Variants in RPGRIP1L observed in about 807,000 individuals in gnomAD.
RPGRIP1L encodes the protein protein fantom.
A neutral mutation model predicts 160.4 loss-of-function variants in RPGRIP1L; 131 were observed. The observed-to-expected ratio is 0.82, with a 90% CI of 0.71 to 0.94. RPGRIP1L has a LOEUF of 0.94. Ranked by LOEUF, RPGRIP1L falls within the 40% of genes least tolerant of loss-of-function variation. The probability of loss-of-function intolerance (pLI) is 0.00; values close to 1 mark genes in which losing one functional copy is unlikely to be tolerated. For synonymous variants in RPGRIP1L, 510 were observed against 515.8 expected (o/e 0.99, Z 0.15); for missense variants, 1,522 against 1,535.8 (o/e 0.99, Z 0.15).
At chr16:53,613,823 T>A (rs1598225476) in intron 24 of RPGRIP1L, among the ~76,000 whole-genome samples, 1 of 152,198 alleles carries the variant, frequency 6.6e-6, no homozygotes, top group Non-Finnish European at 1.5e-5. Flanking sequence ...TTTACTGTCA[T>A]CATGCAGGTT....
chr16:53,674,283 C>T (rs1367329497), intron 7 of RPGRIP1L, among the ~76,000 whole-genome samples: 3 of 152,076 alleles, frequency 2.0e-5, no homozygotes, highest in Non-Finnish European at 2.9e-5. Flanking sequence ...CTCCTTGTCT[C>T]GGGACTTCAA....
chr16:53,624,538 C>T (rs1180366173), intron 22 of RPGRIP1L, among the ~76,000 whole-genome samples: 3 of 150,316 alleles, frequency 2.0e-5, no homozygotes, highest in South Asian at 2.1e-4. Context: ...AGCGAGACTC[C>T]ACCTAAAAAA....
intron 24 of RPGRIP1L, among the ~76,000 whole-genome samples, chr16:53,616,963 T>C (rs1430387035): frequency 6.7e-6 from 1 of 149,520 alleles, no homozygotes; most frequent in Admixed American, 6.7e-5. Context: ...TCCCAGCTAC[T>C]TGGGGGGCTG....
At chr16:53,653,085 A>G in intron 14 of RPGRIP1L, 98 bp from the exon 15 acceptor site, 1 of 1,004,174 alleles carries the variant, frequency 1.0e-6, no homozygotes, top group Non-Finnish European at 1.5e-6. Flanking sequence ...TCTGGTGAAC[A>G]GTCTCTATTT....
chr16:53,641,949 CTG>C (rs1397879296), intron 17 of RPGRIP1L, among the ~76,000 whole-genome samples: 2 of 152,044 alleles, frequency 1.3e-5, no homozygotes, highest in Admixed American at 6.5e-5. Context: ...TTAAAGGAAA[CTG>C]TATGTTACCA....
In RPGRIP1L at chr16:53,652,873, T is replaced by G. The variant is rs1376182209; in HGVS notation, c.1814A>C (p.Asn605Thr). 6.2e-7 allele frequency: 1 copy of G among 1,612,740 alleles called. No individual in the cohort carries two copies. The highest frequency in any genetic ancestry group is 8.5e-7 in the Non-Finnish European group (1 of 1,179,506). The change falls in exon 15 of 27, where the codon AAT becomes ACT. Residue 605 changes from asparagine (N) to threonine (T), a missense_variant. Transcript: ENST00000647211. ...TTTGTTGATATGGATTTCAAATAGA[T>G]TTTCGCCTCGTTCTAAGTGGATGGT... ...DETIHLERGE[N>T]LFEIHINKVT... is the part of the protein sequence containing the mutation.
At chr16:53,612,428 A>C (rs1351890653) in intron 24 of RPGRIP1L, among the ~76,000 whole-genome samples, 2 of 151,824 alleles carry the variant, frequency 1.3e-5, no homozygotes, top group Non-Finnish European at 2.9e-5. Flanking sequence ...TGGAAGATAG[A>C]CTTCGTTTTT....
intron 24 of RPGRIP1L, among the ~76,000 whole-genome samples, chr16:53,617,770 C>A (rs1027895475): frequency 6.6e-6 from 1 of 151,932 alleles, no homozygotes; most frequent in African/African-American, 2.4e-5. Context: ...GAGGAATGAA[C>A]GTATTTCTAA....
chr16:53,669,092 T>A (rs780473544), intron 9 of RPGRIP1L, among the ~76,000 whole-genome samples: 1 of 152,060 alleles, frequency 6.6e-6, no homozygotes, highest in South Asian at 2.1e-4. Context: ...AAACAGGGAG[T>A]ATGTGCAGTT....
chr16:53,648,604 G>A (rs1289878427), intron 16 of RPGRIP1L, among the ~76,000 whole-genome samples: 9 of 132,364 alleles, frequency 6.8e-5, no homozygotes, highest in Non-Finnish European at 9.6e-5. Context: ...GCACATATAC[G>A]TACGCGCGTG....
At chr16:53,626,145 T>TAAAAAAAAAAAA (rs760491478) in intron 22 of RPGRIP1L, among the ~76,000 whole-genome samples, 21 of 60,474 alleles carry the variant, frequency 3.5e-4, no homozygotes, top group South Asian at 7.2e-4. Context: ...CAATAAATAC[T>TAAAAAAAAAAAA]AAAAAAAAAA....
At chr16:53,679,458 G>A (rs571239436) in intron 6 of RPGRIP1L, among the ~76,000 whole-genome samples, 10 of 151,922 alleles carry the variant, frequency 6.6e-5, no homozygotes, top group South Asian at 6.2e-4. Flanking sequence ...ATGGAGTGCA[G>A]TGTCGTGATC....
chr16:53,658,958 G>C, intron 10 of RPGRIP1L, 80 bp from the exon 11 acceptor site: 2 of 925,402 alleles, frequency 2.2e-6, no homozygotes, highest in Non-Finnish European at 3.4e-6. Context: ...TTTAATTCCT[G>C]TTCCACACCA....
chr16:53,608,175 C>G (rs1306791949), intron 25 of RPGRIP1L, among the ~76,000 whole-genome samples: 3 of 152,208 alleles, frequency 2.0e-5, no homozygotes, highest in Non-Finnish European at 4.4e-5. Flanking sequence ...TATACTCCTT[C>G]ATGCCTGGAG....
In RPGRIP1L at chr16:53,687,913, T is replaced by C. The variant is rs924608253; in HGVS notation, c.582A>G (p.Thr194=). The C allele has an allele frequency of 1.2e-6, 2 of 1,611,958 alleles. No homozygotes were observed. Among genetic ancestry groups the C allele is most frequent in the Admixed American group, 3.3e-5 (2 of 59,976 alleles). Residue 194 remains threonine (T), a synonymous_variant, in exon 5 of 27, where the codon ACA becomes ACG. Transcript: ENST00000647211. ...DVAETPHPMF[T]KYGNSLLEEA... The stretch of plus-strand genomic sequence containing the variant: ...CTTCAAGTAAACTGTTGCCATATTT[T>C]GTAAACATGGGATGTGGAGTTTCTG...
intron 24 of RPGRIP1L, among the ~76,000 whole-genome samples, chr16:53,614,577 G>A (rs1964241949): frequency 6.6e-6 from 1 of 152,120 alleles, no homozygotes. Context: ...GTTGAATACC[G>A]TGGGAAACAG....
intron 25 of RPGRIP1L, among the ~76,000 whole-genome samples, chr16:53,607,765 A>T (rs919457811): frequency 1.3e-5 from 2 of 152,248 alleles, no homozygotes; most frequent in Admixed American, 6.5e-5. Flanking sequence ...TTCTGGCTTT[A>T]AATTCTATAT....
intron 6 of RPGRIP1L, among the ~76,000 whole-genome samples, chr16:53,675,757 T>A (rs751291903): frequency 6.6e-6 from 1 of 152,190 alleles, no homozygotes; most frequent in African/African-American, 2.4e-5. Flanking sequence ...ACAGGGTATA[T>A]AGAAACCTTA....
intron 2 of RPGRIP1L, among the ~76,000 whole-genome samples, chr16:53,700,001 T>C (rs1971260075): frequency 6.6e-6 from 1 of 152,160 alleles, no homozygotes; most frequent in Non-Finnish European, 1.5e-5. Flanking sequence ...GAGGGGGATT[T>C]TACGTTTTCT....
Sources: allele counts gnomAD v4.1 joint callset (sites outside exome capture counted in the v4.1 genomes callset), GRCh38; gene constraint gnomAD v4.1.1; transcripts MANE v1.5; gene names NCBI Gene and HGNC (gene_info 2026-07-23, HGNC 2026-07-21).